CSMD3: variants seen among roughly 807,000 people sequenced by gnomAD.
CSMD3 encodes the protein CUB and sushi domain-containing protein 3.
A neutral mutation model predicts 435.2 loss-of-function variants in CSMD3; 177 were observed. The ratio of observed to expected loss-of-function variants is 0.41; its 90% CI spans 0.36 to 0.46. The LOEUF (loss-of-function observed/expected upper bound fraction) is 0.46, where lower values mean the gene tolerates loss of function less well. CSMD3 is among the 20% of genes least tolerant of loss of function. The pLI, the probability that CSMD3 is intolerant of heterozygous loss-of-function variation, is 0.34. For synonymous variants in CSMD3, 1,656 were observed against 1,520.5 expected, an observed-to-expected ratio of 1.09 and a Z score of -2.07; for missense variants, 4,265 against 4,504.6, an observed-to-expected ratio of 0.95 and a Z score of 1.52.
At chr8:112,842,349 A>G (rs2080201612) in intron 11 of CSMD3, among the ~76,000 whole-genome samples, 1 of 151,838 alleles carries the variant, frequency 6.6e-6, no homozygotes, top group Non-Finnish European at 1.5e-5. Context: ...CCGGTGACTA[A>G]TATCAGCAGG....
chr8:112,449,824 G>A (rs1404351822), intron 32 of CSMD3, among the ~76,000 whole-genome samples: 1 of 152,198 alleles, frequency 6.6e-6, no homozygotes, highest in African/African-American at 2.4e-5. Context: ...CTGGGCTCAA[G>A]TGATTCTCCT....
intron 2 of CSMD3, among the ~76,000 whole-genome samples, chr8:113,285,376 TC>T (rs1588441894): frequency 5.0e-5 from 1 of 20,076 alleles, no homozygotes; most frequent in East Asian, 0.028. Context: ...TCTCCTGCCT[TC>T]AGCCTCCTGA....
intron 36 of CSMD3, among the ~76,000 whole-genome samples, chr8:112,388,266 G>C (rs1285964074): frequency 6.6e-6 from 1 of 152,118 alleles, no homozygotes; most frequent in Non-Finnish European, 1.5e-5. Flanking sequence ...AAGGAGATTG[G>C]AGACAACTGA....
intron 22 of CSMD3, among the ~76,000 whole-genome samples, chr8:112,594,978 G>A (rs1400993613): frequency 2.0e-5 from 3 of 152,148 alleles, no homozygotes; most frequent in East Asian, 1.9e-4. Flanking sequence ...CCAAAGGAAC[G>A]CAGTTCCTCA....
rs540936043 is a variant in CSMD3 at position 112,423,919 on chromosome 8, G to A, written c.5396-14887C>T. Among the ~76,000 whole-genome samples, 106 of 152,234 alleles carry A rather than the reference G, an allele frequency of 7.0e-4. 1 individual carries two copies. Among genetic ancestry groups the A allele is most frequent in the Non-Finnish European group, 1.2e-3 (81 of 67,996 alleles). On this transcript the variant is annotated intron_variant, in intron 32 of 70. Coordinates refer to ENST00000297405, the MANE Select transcript of CSMD3 (RefSeq NM_198123.2). The stretch of plus-strand genomic sequence containing the variant: ...GTCTAGGCCTGGCAGAAGCTGTGAA[G>A]TATGGAATCGTTTTAAATTACTTAA...
intron 59 of CSMD3, among the ~76,000 whole-genome samples, chr8:112,270,458 C>A (rs1402682541): frequency 6.6e-6 from 1 of 150,720 alleles, no homozygotes; most frequent in Admixed American, 6.7e-5. Flanking sequence ...GTGGGAAATT[C>A]TCAAAGGTAA....
Position 112,930,234 on chromosome 8 carries a change from T to C in CSMD3, c.1509-8483A>G, listed in dbSNP as rs77344913. ...GTGACATTAACTTTAACTGTTCCCA[T>C]TGCTATATCACTCCCTGTGTTCTCA... On this transcript the variant is annotated intron_variant, in intron 9 of 70. Coordinates refer to ENST00000297405, the MANE Select transcript of CSMD3 (RefSeq NM_198123.2). Among the ~76,000 whole-genome samples the C allele has an allele frequency of 7.9e-3, 1,204 of 152,204 alleles. 13 individuals are homozygous for C. Among genetic ancestry groups the C allele is most frequent in the African/African-American group, 0.027 (1,130 of 41,554 alleles).
At chr8:112,298,194 A>C (rs115148560) in intron 53 of CSMD3, among the ~76,000 whole-genome samples, 1 of 152,134 alleles carries the variant, frequency 6.6e-6, no homozygotes, top group African/African-American at 2.4e-5. Context: ...ATCCCACCAG[A>C]ATCTCTTTGT....
chr8:112,920,693 G>T (rs183707702), intron 10 of CSMD3, among the ~76,000 whole-genome samples: 90 of 151,838 alleles, frequency 5.9e-4, no homozygotes, highest in Admixed American at 1.6e-3. Flanking sequence ...GTTTTGCACT[G>T]TGAATTACTT....
At chr8:112,925,888 A>T (rs932464025) in intron 9 of CSMD3, among the ~76,000 whole-genome samples, 1 of 152,216 alleles carries the variant, frequency 6.6e-6, no homozygotes, top group African/African-American at 2.4e-5. Context: ...GGGATATTTT[A>T]AAATGCAGAT....
rs2129755411 is a variant in CSMD3, at chr8:112,224,729, G to A, written c.*42C>T. ...GTGAACTAAATGTGCACTGTTTTGT[G>A]TGTCGATTTCCAAGCTTCTGAAGAA... On this transcript the variant is annotated 3_prime_UTR_variant, in exon 71 of 71. Transcript: ENST00000297405. The A allele has an allele frequency of 6.2e-7, 1 of 1,605,730 alleles. No individual in the cohort carries two copies. The highest frequency in any genetic ancestry group is 8.5e-7 in the Non-Finnish European group (1 of 1,172,284).
intron 5 of CSMD3, among the ~76,000 whole-genome samples, chr8:113,045,054 T>C (rs535367174): frequency 2.7e-5 from 4 of 149,320 alleles, no homozygotes; most frequent in Admixed American, 1.3e-4. Context: ...CTATTTTATG[T>C]GCAACGATCT....
chr8:112,620,837 A>G (rs1467665542), intron 22 of CSMD3, among the ~76,000 whole-genome samples: 3 of 152,086 alleles, frequency 2.0e-5, no homozygotes, highest in Non-Finnish European at 4.4e-5. Flanking sequence ...CAATTTGAGG[A>G]TTGCTTTTAG....
intron 8 of CSMD3, among the ~76,000 whole-genome samples, chr8:112,952,543 C>T (rs1184468665): frequency 6.6e-6 from 1 of 151,382 alleles, no homozygotes; most frequent in African/African-American, 2.4e-5. Flanking sequence ...AACAATATAA[C>T]TCTACTGCAA....
At chr8:113,340,328 T>C (rs1435869924) in intron 1 of CSMD3, among the ~76,000 whole-genome samples, 1 of 152,132 alleles carries the variant, frequency 6.6e-6, no homozygotes, top group Non-Finnish European at 1.5e-5. Context: ...TTGATGTTTG[T>C]ACTATTGTTT....
chr8:113,150,759 T>C (rs1359606713), intron 4 of CSMD3, among the ~76,000 whole-genome samples: 1 of 152,028 alleles, frequency 6.6e-6, no homozygotes, highest in Non-Finnish European at 1.5e-5. Flanking sequence ...TACCACTATA[T>C]GTATTAATGC....
chr8:112,921,431 T>C (rs2082740114), intron 10 of CSMD3, among the ~76,000 whole-genome samples, 196 bp downstream of exon 10: 1 of 152,082 alleles, frequency 6.6e-6, no homozygotes, highest in African/African-American at 2.4e-5. Context: ...TGTATGATTA[T>C]TAATTGGAAA....
intron 5 of CSMD3, among the ~76,000 whole-genome samples, chr8:113,043,466 C>A (rs1465188315): frequency 2.0e-5 from 3 of 152,142 alleles, no homozygotes; most frequent in Non-Finnish European, 4.4e-5. Context: ...AACCACCCAA[C>A]TTCAGAGCTC....
chr8:113,120,004 C>A (rs923734119), intron 4 of CSMD3, among the ~76,000 whole-genome samples: 1 of 151,790 alleles, frequency 6.6e-6, no homozygotes, highest in East Asian at 1.9e-4. Flanking sequence ...ACTCATTACA[C>A]AAATAAAAAA....
Sources: allele counts gnomAD v4.1 joint callset (sites outside exome capture counted in the v4.1 genomes callset), GRCh38; gene constraint gnomAD v4.1.1; transcripts MANE v1.5; gene names NCBI Gene and HGNC (gene_info 2026-07-23, HGNC 2026-07-21).